The following SPTB variants were observed in gnomAD, a reference collection of about 807,000 sequenced individuals.
SPTB encodes spectrin beta, erythrocytic.
Under a neutral mutation model 256.2 loss-of-function variants are expected in SPTB, and 45 were observed. The ratio of observed to expected loss-of-function variants is 0.18; its 90% confidence interval spans 0.14 to 0.23. The LOEUF is 0.23. SPTB is among the 10% of genes least tolerant of loss of function. The probability of loss-of-function intolerance (pLI) is 1.00; values close to 1 mark genes in which losing one functional copy is unlikely to be tolerated. For synonymous variants in SPTB, 1,231 were observed against 1,243.1 expected (o/e 0.99, Z 0.21); for missense variants, 2,715 against 3,040.4 (o/e 0.89, Z 2.52).
In SPTB at chr14:64,747,131, T is replaced by TA. The variant is rs1426856597; in HGVS notation, c.*2174_*2175insT. ...ATGCTAGCTCTTCCACTAGAGCCCT[T>TA]CCTTTCTCGGGTCTGTGGAGTTGCT... On this transcript the variant is annotated 3_prime_UTR_variant, in exon 36 of 36. Coordinates refer to ENST00000644917, the MANE Select transcript of SPTB (RefSeq NM_001355436.2). 6.6e-6 allele frequency: 1 copy of TA among 152,512 alleles called. No homozygotes were observed. Among genetic ancestry groups the TA allele is most frequent in the African/African-American group, 2.4e-5 (1 of 41,438 alleles). 9.4% of individuals were successfully genotyped at this position (152,512 alleles called of 1,614,324 possible).
chr14:64,830,366 TATTATTATTA>T (rs1179471523), intron 1 of SPTB, among the ~76,000 whole-genome samples: 60 of 102,844 alleles, frequency 5.8e-4, no homozygotes, highest in African/African-American at 3.0e-3. Context: ...TTATTATTAT[TATTATTATTA>T]TTATTTTATT....
chr14:64,752,025 C>T (rs183646577), intron 33 of SPTB, among the ~76,000 whole-genome samples: 2 of 151,298 alleles, frequency 1.3e-5, no homozygotes, highest in Admixed American at 1.3e-4. Flanking sequence ...ATCTGGGAGG[C>T]GGAGGTTGCA....
chr14:64,872,789 C>T (rs922468413), intron 1 of SPTB, among the ~76,000 whole-genome samples: 3 of 152,144 alleles, frequency 2.0e-5, no homozygotes, highest in Admixed American at 2.0e-4. Flanking sequence ...TTTTCCTGTG[C>T]TGTTCTCGTG....
rs180685922 is a variant in SPTB at position 64,853,002 on chromosome 14, C to G, written c.-52+26790G>C. On this transcript the variant is annotated intron_variant, in intron 1 of 35. Coordinates refer to ENST00000644917, the MANE Select transcript of SPTB (RefSeq NM_001355436.2). The surrounding 1 kb of genome is among the most constrained non-coding windows in gnomAD (Gnocchi z 4.3). ...GCATTAACAGGGAGGTTTTCACTAG[C>G]TTGGGGGATGTGGGGAGGCTTCCCT... 1.7e-4 allele frequency among the ~76,000 whole-genome samples: 26 copies of G among 152,190 alleles called. No individual in the cohort carries two copies. The highest frequency in any genetic ancestry group is 2.8e-4 in the Non-Finnish European group (19 of 68,006).
At chr14:64,753,391 C>T in intron 33 of SPTB, 146 bp downstream of exon 33, 1 of 1,230,220 alleles carries the variant, frequency 8.1e-7, no homozygotes. Context: ...CGGGGCTGGC[C>T]CAGAGGGGTG....
chr14:64,766,386 A>C, intron 32 of SPTB: 1 of 1,329,134 alleles, frequency 7.5e-7, no homozygotes, highest in Non-Finnish European at 9.7e-7. Flanking sequence ...GAAATGCACT[A>C]ATCATCTCTG....
intron 6 of SPTB, 129 bp from the exon 7 acceptor site, chr14:64,801,529 T>C: frequency 3.6e-6 from 3 of 828,292 alleles, no homozygotes; most frequent in Non-Finnish European, 6.1e-6. Context: ...AAGGAGGAGA[T>C]GGGAGCAGAG....
At chr14:64,755,020 C>G (rs909815478) in intron 32 of SPTB, 1 of 152,254 alleles carries the variant, frequency 6.6e-6, no homozygotes, top group African/African-American at 2.4e-5. Flanking sequence ...GGTAGGAAGG[C>G]CCCCAAGCAG....
At chr14:64,815,763 T>A (rs1158735526) in intron 2 of SPTB, among the ~76,000 whole-genome samples, 1 of 152,024 alleles carries the variant, frequency 6.6e-6, no homozygotes, top group Non-Finnish European at 1.5e-5. Context: ...TGGTTCAGGG[T>A]AAAGAGGCAC....
chr14:64,833,492 C>A (rs1018800025), intron 1 of SPTB, among the ~76,000 whole-genome samples: 1 of 151,172 alleles, frequency 6.6e-6, no homozygotes, highest in Non-Finnish European at 1.5e-5. Context: ...GCAGAGGTTG[C>A]AGTGAGCCAA....
rs1022670637 is a variant in SPTB at position 64,749,592 on chromosome 14, G to T, written c.6819+62C>A. On this transcript the variant is annotated intron_variant, in intron 35 of 35. Coordinates refer to ENST00000644917, the MANE Select transcript of SPTB (RefSeq NM_001355436.2). This position sits in a 1 kb window ranked among gnomAD's most constrained non-coding sequence, Gnocchi z 4.7. ...TTCTGAGGGGGCCTCCAGGGCAAGC[G>T]GCCTGGGGTCCTCCACCTACCCCCT... 19 of 1,609,928 alleles carry T rather than the reference G, an allele frequency of 1.2e-5. No individual in the cohort carries two copies. In the African/African-American group the frequency reaches 2.1e-4, roughly 18 times the overall value.
chr14:64,767,450 CCT>C, intron 30 of SPTB, 98 bp from the exon 31 acceptor site: 1 of 1,527,588 alleles, frequency 6.5e-7, no homozygotes, highest in East Asian at 2.2e-5. Flanking sequence ...CCCCACATGC[CCT>C]GACACTTGTT....
At position 64,764,894 on chromosome 14, in the gene SPTB, A is replaced by G. The variant is rs2082143040; in HGVS notation, c.6345+1832T>C. Among the ~76,000 whole-genome samples, 1 of 152,008 alleles carries G rather than the reference A, an allele frequency of 6.6e-6. No individual in the cohort carries two copies. Among genetic ancestry groups the G allele is most frequent in the Non-Finnish European group, 1.5e-5 (1 of 67,998 alleles). The stretch of plus-strand genomic sequence containing the variant: ...AGGCGACCCCACATGCGATGACGGG[A>G]GCTTCGGAGGGAACTTCTGGGAGAG... On this transcript the variant is annotated intron_variant, in intron 32 of 35. Coordinates refer to ENST00000644917, the MANE Select transcript of SPTB (RefSeq NM_001355436.2). This position sits in a 1 kb window ranked among gnomAD's most constrained non-coding sequence, Gnocchi z 4.2.
chr14:64,811,466 T>A (rs1039609267), intron 2 of SPTB, among the ~76,000 whole-genome samples: 9 of 152,212 alleles, frequency 5.9e-5, no homozygotes, highest in African/African-American at 2.2e-4. Flanking sequence ...GAATATCAAG[T>A]GTATATTAGG....
In SPTB at chr14:64,777,746, A is replaced by G. The variant is rs1455969372; in HGVS notation, c.4563+1411T>C. ...TGGAGTTTGACAACCATTGCAACAG[A>G]GGGTTTTAGGTGAGGAAATGATAAA... On this transcript the variant is annotated intron_variant, in intron 22 of 35. Transcript: ENST00000644917. The surrounding 1 kb of genome is among the most constrained non-coding windows in gnomAD (Gnocchi z 4.5). Among the ~76,000 whole-genome samples, 3 of 152,180 alleles carry G rather than the reference A, an allele frequency of 2.0e-5. No homozygotes were observed. Among genetic ancestry groups the G allele is most frequent in the African/African-American group, 7.2e-5 (3 of 41,436 alleles).
chr14:64,765,041 T>TGTGTGTGTGTGTGTGTGC (rs570414192), intron 32 of SPTB, among the ~76,000 whole-genome samples: 96 of 116,990 alleles, frequency 8.2e-4, no homozygotes, highest in African/African-American at 2.0e-3. Context: ...TGTGTGTGTG[T>TGTGTGTGTGTGTGTGTGC]GCGCGCGCGC....
chr14:64,766,230 G>A (rs934404009), intron 32 of SPTB, among the ~76,000 whole-genome samples: 1 of 149,736 alleles, frequency 6.7e-6, no homozygotes, highest in Non-Finnish European at 1.5e-5. Context: ...TGTATATATG[G>A]GGGTGTGTGG....
In SPTB at chr14:64,775,523, G is replaced by T; in HGVS notation, c.4564-120C>A. On this transcript the variant is annotated intron_variant, in intron 22 of 35. Coordinates refer to ENST00000644917, the MANE Select transcript of SPTB (RefSeq NM_001355436.2). The surrounding 1 kb of genome is among the most constrained non-coding windows in gnomAD (Gnocchi z 5.0). The stretch of plus-strand genomic sequence containing the variant: ...CTCTCACCCCCGTTGCTAGAGCAGA[G>T]CAGGTGATGGCGATAAGAACTACCA... 1 of 1,306,310 alleles carries T rather than the reference G, an allele frequency of 7.7e-7. No individual in the cohort carries two copies. Among genetic ancestry groups the T allele is most frequent in the Non-Finnish European group, 1.0e-6 (1 of 965,226 alleles). 80.9% of individuals were successfully genotyped at this position (1,306,310 alleles called of 1,614,324 possible).
chr14:64,837,642 C>T (rs2083545360), intron 1 of SPTB, among the ~76,000 whole-genome samples: 1 of 152,102 alleles, frequency 6.6e-6, no homozygotes, highest in Admixed American at 6.6e-5. Context: ...GCTCTTGTTG[C>T]CCAGGCTGGA....
Sources: gnomAD v4.1 joint callset for allele counts (sites outside exome capture counted in the v4.1 genomes callset) on GRCh38, gnomAD v4.1.1 for gene constraint, Gnocchi (gnomAD v3.1) non-coding constraint, MANE v1.5 for transcripts, NCBI Gene and HGNC (gene_info 2026-07-23, HGNC 2026-07-21) for gene names.